GBP5: variants seen among roughly 807,000 people sequenced by gnomAD.
GBP5 encodes guanylate binding protein 5, also known as guanylate-binding protein 5.
A neutral mutation model predicts 58.2 loss-of-function variants in GBP5; 48 were observed. That is an observed-to-expected ratio of 0.83 (90% confidence interval 0.65 to 1.05). The LOEUF is 1.05. Among genes scored for constraint, GBP5 ranks in the 50% least tolerant of loss-of-function variants. The pLI is 0.00. For synonymous variants in GBP5, 248 were observed against 251.8 expected, an observed-to-expected ratio of 0.98 and a Z score of 0.14; for missense variants, 714 against 686.8, an observed-to-expected ratio of 1.04 and a Z score of -0.44.
Position 89,266,359 on chromosome 1 carries a change from CATG to C in GBP5, c.852_854del (p.Ile284del). On this transcript the variant is annotated inframe_deletion, in exon 7 of 12. Coordinates refer to ENST00000370459, the MANE Select transcript of GBP5 (RefSeq NM_052942.5). ...AATAATACTCACGAGATCCATTGAC[CATG>C]ATGCCACCTGGAAGAGTCTTGGTCA... The C allele has an allele frequency of 1.2e-6, 2 of 1,613,106 alleles. No individual in the cohort carries two copies. The highest frequency in any genetic ancestry group is 1.7e-6 in the Non-Finnish European group (2 of 1,179,180).
chr1:89,259,288 T>C lies in GBP5; in HGVS notation c.*1416A>G, dbSNP rs565684608. ...TGAACAGAAAAGAAAAGGCTTCTTC[T>C]TTAGCCCTTAAGCCTATGACACAAT... On this transcript the variant is annotated 3_prime_UTR_variant, in exon 12 of 12. Coordinates refer to ENST00000370459, the MANE Select transcript of GBP5 (RefSeq NM_052942.5). The C allele has an allele frequency of 6.6e-6, 1 of 152,228 alleles. No individual in the cohort carries two copies. The highest frequency in any genetic ancestry group is 1.5e-5 in the Non-Finnish European group (1 of 68,038). The allele number at this position is 152,228 out of a possible 1,614,324, so 9.4% of individuals were successfully genotyped here.
At chr1:89,262,833 G>A (rs774551885) in intron 9 of GBP5, 48 bp from the exon 10 acceptor site, 1 of 1,104,986 alleles carries the variant, frequency 9.0e-7, no homozygotes, top group Non-Finnish European at 1.3e-6. Context: ...TGGTGATTAG[G>A]AATGTTGTAA....
In GBP5 at chr1:89,263,802, A is replaced by T; in HGVS notation, c.1296T>A (p.Asn432Lys). The change falls in exon 9 of 12, where the codon AAT becomes AAA. Residue 432 changes from asparagine (N) to lysine (K), a missense_variant. By Grantham distance (94) the Asn-to-Lys change is moderately conservative (BLOSUM62 0). Coordinates refer to ENST00000370459, the MANE Select transcript of GBP5 (RefSeq NM_052942.5). ...QGIYSKPGGH[N>K]LFIQKTEELK... ...GTTCTTCTGTTTTCTGAATGAAGAG[A>T]TTATGGCCTCCTGGCTTAGAATAAA... 6.2e-7 allele frequency: 1 copy of T among 1,613,772 alleles called. No individual in the cohort carries two copies. The highest frequency in any genetic ancestry group is 1.3e-5 in the African/African-American group (1 of 74,912).
chr1:89,266,290 A>C lies in GBP5; in HGVS notation c.868+56T>G, dbSNP rs1438884128. The C allele has an allele frequency of 3.7e-5, 53 of 1,444,080 alleles. 1 individual carries two copies. The highest frequency in any genetic ancestry group is 5.0e-5 in the Non-Finnish European group (52 of 1,042,946). 89.5% of individuals were successfully genotyped at this position (1,444,080 alleles called of 1,614,324 possible). On this transcript the variant is annotated intron_variant, in intron 7 of 11. Transcript: ENST00000370459. ...GACAATGCAAGGATAATCTTATAAAAAGTGTCCCTTATAGTTTACATTAAA... is the reference window on the plus strand; with the variant it reads ...GACAATGCAAGGATAATCTTATAAACAGTGTCCCTTATAGTTTACATTAAA...
In GBP5 at chr1:89,256,847, A is replaced by C. The variant is rs755300425; in HGVS notation, c.*3857T>G. On this transcript the variant is annotated 3_prime_UTR_variant, in exon 12 of 12. Transcript: ENST00000370459. ...GCCATCCAGTAGTCCCAACCTACTA[A>C]GAAGTCTATCTTTACCCTGTATTAT... 1.7e-4 allele frequency among the ~76,000 whole-genome samples: 26 copies of C among 152,196 alleles called. No homozygotes were observed. Among genetic ancestry groups the C allele is most frequent in the Non-Finnish European group, 3.4e-4 (23 of 68,030 alleles).
In GBP5 at chr1:89,260,530, TG is replaced by T. The variant is rs1649968196; in HGVS notation, c.*173del. 6 of 554,050 alleles carry T rather than the reference TG, an allele frequency of 1.1e-5. No individual in the cohort carries two copies. The highest frequency in any genetic ancestry group is 1.6e-5 in the Non-Finnish European group (5 of 311,618). The allele number at this position is 554,050 out of a possible 1,614,324, so 34.3% of individuals were successfully genotyped here. A position where few individuals can be genotyped will look rare whatever the true frequency, so the allele number is the denominator to read the frequency against. On this transcript the variant is annotated 3_prime_UTR_variant, in exon 12 of 12. Coordinates refer to ENST00000370459, the MANE Select transcript of GBP5 (RefSeq NM_052942.5). ...ATAAACATTTAAACTATTGGACTAC[TG>T]GGATGTACATTTTACCAGATACCAG...
Position 89,262,712 on chromosome 1 carries a change from G to A in GBP5, c.1436C>T (p.Ala479Val). 1 of 1,607,552 alleles carries A rather than the reference G, an allele frequency of 6.2e-7. No individual in the cohort carries two copies. The highest frequency in any genetic ancestry group is 1.3e-5 in the African/African-American group (1 of 74,456). The stretch of plus-strand genomic sequence containing the variant: ...CTTCTTTTTTTCCGTCTCTGTGAGA[G>A]CCTGGTCAGTCTGTAATATTGCATG... ...VSHAILQTDQ[A>V]LTETEKKKKE... Residue 479 changes from alanine to valine, a missense_variant, in exon 10 of 12, where the codon GCT becomes GTT. Transcript: ENST00000370459.
At position 89,262,652 on chromosome 1, in the gene GBP5, C is replaced by A. The variant is rs1367223137; in HGVS notation, c.1465+31G>T. ...TTATTTAAAATTTATAGATTTCTTT[C>A]TATCTTGCATAATTTCCACTTTCTT... is the stretch of plus-strand genomic sequence containing the variant. On this transcript the variant is annotated intron_variant, in intron 10 of 11. Transcript: ENST00000370459. The A allele has an allele frequency of 5.6e-6, 8 of 1,440,812 alleles. No homozygotes were observed. The African/African-American group carries it at 7.0e-5, about 13-fold the overall frequency. 89.3% of individuals were successfully genotyped at this position (1,440,812 alleles called of 1,614,324 possible).
Position 89,263,772 on chromosome 1 carries a change from C to T in GBP5, c.1326G>A (p.Lys442=). 1 of 1,613,768 alleles carries T rather than the reference C, an allele frequency of 6.2e-7. No homozygotes were observed. The highest frequency in any genetic ancestry group is 1.1e-5 in the South Asian group (1 of 91,054). Residue 442 remains lysine, a synonymous_variant, in exon 9 of 12, where the codon AAG becomes AAA. Transcript: ENST00000370459. ...NLFIQKTEEL[K]AKYYREPRKG... is the part of the protein sequence containing the mutation. ...TCCGAGGCTCCCGATAGTACTTTGC[C>T]TTCAGTTCTTCTGTTTTCTGAATGA...
Position 89,266,497 on chromosome 1 carries a change from A to G in GBP5, c.717T>C (p.Pro239=). The change falls in exon 7 of 12, where the codon CCT becomes CCC. Residue 239 remains proline (P), a synonymous_variant. Transcript: ENST00000370459. ...PKKKCFIFDL[P]AHQKKLAQLE... ...GTTGGGCAAGCTTTTTTTGGTGAGC[A>G]GGTAAGTCAAAGATAAAGCATTTCT... is the stretch of plus-strand genomic sequence containing the variant. The G allele has an allele frequency of 6.2e-7, 1 of 1,614,180 alleles. No homozygotes were observed. The highest frequency in any genetic ancestry group is 8.5e-7 in the Non-Finnish European group (1 of 1,180,010).
At chr1:89,266,903 T>G in intron 6 of GBP5, 54 bp downstream of exon 6, 9 of 1,296,748 alleles carry the variant, frequency 6.9e-6, no homozygotes, top group Non-Finnish European at 9.6e-6. Flanking sequence ...ACAAAAGAGA[T>G]AATTTCTTAG....
In GBP5 at chr1:89,260,471, C is replaced by A. The variant is rs1461110405; in HGVS notation, c.*233G>T. ...ATAAATGAAGGCAGTGATACAATGTCCCTTATACAATTTATAATCTCTTAA... is the reference window on the plus strand; with the variant it reads ...ATAAATGAAGGCAGTGATACAATGTACCTTATACAATTTATAATCTCTTAA... On this transcript the variant is annotated 3_prime_UTR_variant, in exon 12 of 12. Transcript: ENST00000370459. 6 of 406,406 alleles carry A rather than the reference C, an allele frequency of 1.5e-5. No individual in the cohort carries two copies. The highest frequency in any genetic ancestry group is 2.7e-5 in the Non-Finnish European group (6 of 224,252). The allele number at this position is 406,406 out of a possible 1,614,324, so 25.2% of individuals were successfully genotyped here. A position where few individuals can be genotyped will look rare whatever the true frequency, so the allele number is the denominator to read the frequency against.
Position 89,267,103 on chromosome 1 carries a change from A to T in GBP5, c.479T>A (p.Leu160His). Residue 160 changes from leucine to histidine, a missense_variant, in exon 6 of 12, where the codon CTT (leucine) becomes CAT (histidine). Transcript: ENST00000370459. ...DLLKARNSPD[L>H]DRVEDPADSA... The stretch of plus-strand genomic sequence containing the variant: ...GTCAGCAGGATCTTCAACCCTGTCA[A>T]GGTCGGGTGAGTTTCTTGCCTTGAG... 3 of 1,609,494 alleles carry T rather than the reference A, an allele frequency of 1.9e-6. No homozygotes were observed. Among genetic ancestry groups the T allele is most frequent in the Non-Finnish European group, 2.5e-6 (3 of 1,178,932 alleles).
Position 89,256,415 on chromosome 1 carries a change from T to C in GBP5, c.*4289A>G, listed in dbSNP as rs1179656169. Among the ~76,000 whole-genome samples the C allele has an allele frequency of 6.6e-6, 1 of 152,244 alleles. No individual in the cohort carries two copies. The highest frequency in any genetic ancestry group is 2.4e-5 in the African/African-American group (1 of 41,466). The stretch of plus-strand genomic sequence containing the variant: ...GTCATATACACCTATAGAATTTTAG[T>C]AATGCTGAATGTATGTACCTGGGTT... On this transcript the variant is annotated 3_prime_UTR_variant, in exon 12 of 12. Transcript: ENST00000370459.
In GBP5 at chr1:89,266,540, T is replaced by A. The variant is rs1473908319; in HGVS notation, c.674A>T (p.Gln225Leu). ...GCATTTCTTTTTTGGAAAGAACTTC[T>A]GTATACACAGACGGGGCAAATTGAA... ...QNFNLPRLCI[Q>L]KFFPKKKCFI... Residue 225 changes from glutamine to leucine, a missense_variant, in exon 7 of 12, where the codon CAG (glutamine) becomes CTG (leucine). Coordinates refer to ENST00000370459, the MANE Select transcript of GBP5 (RefSeq NM_052942.5). 10 of 1,613,686 alleles carry A rather than the reference T, an allele frequency of 6.2e-6. No homozygotes were observed. The highest frequency in any genetic ancestry group is 8.5e-6 in the Non-Finnish European group (10 of 1,179,554).
intron 3 of GBP5, 81 bp downstream of exon 3, chr1:89,269,285 T>C (rs1650346363): frequency 7.3e-7 from 1 of 1,366,714 alleles, no homozygotes; most frequent in Non-Finnish European, 1.0e-6. Flanking sequence ...CATGTCTTAC[T>C]CTCTCCTTGC....
At position 89,257,058 on chromosome 1, in the gene GBP5, T is replaced by G. The variant is rs1570405867; in HGVS notation, c.*3646A>C. Among the ~76,000 whole-genome samples the G allele has an allele frequency of 6.6e-6, 1 of 152,246 alleles. No homozygotes were observed. Among genetic ancestry groups the G allele is most frequent in the Non-Finnish European group, 1.5e-5 (1 of 68,034 alleles). ...TATTTTAGTAATTCCTTCTAAATTT[T>G]AACACATTATTCAGTATTTCTATGT... On this transcript the variant is annotated 3_prime_UTR_variant, in exon 12 of 12. Transcript: ENST00000370459.
At position 89,260,543 on chromosome 1, in the gene GBP5, T is replaced by C; in HGVS notation, c.*161A>G. ...CTATTGGACTACTGGGATGTACATT[T>C]TACCAGATACCAGCATCATAATCTT... On this transcript the variant is annotated 3_prime_UTR_variant, in exon 12 of 12. Coordinates refer to ENST00000370459, the MANE Select transcript of GBP5 (RefSeq NM_052942.5). 1 of 569,324 alleles carries C rather than the reference T, an allele frequency of 1.8e-6. No homozygotes were observed. The highest frequency in any genetic ancestry group is 2.9e-5 in the East Asian group (1 of 34,340). 35.3% of individuals were successfully genotyped at this position (569,324 alleles called of 1,614,324 possible). A position where few individuals can be genotyped will look rare whatever the true frequency, so the allele number is the denominator to read the frequency against.
In GBP5 at chr1:89,272,630, A is replaced by C. The variant is rs1349239586; in HGVS notation, c.-306T>G. On this transcript the variant is annotated 5_prime_UTR_variant, in exon 1 of 12. Coordinates refer to ENST00000370459, the MANE Select transcript of GBP5 (RefSeq NM_052942.5). ...TCGTGGTCTGGCTGGCTCAGGAGTG[A>C]AGCTGCAGACCTTCGCGGTGAGTGT... The C allele has an allele frequency of 1.9e-5, 3 of 154,308 alleles. No homozygotes were observed. Among genetic ancestry groups the C allele is most frequent in the African/African-American group, 7.3e-5 (3 of 41,330 alleles). 9.6% of individuals were successfully genotyped at this position (154,308 alleles called of 1,614,324 possible).
Sources: allele counts gnomAD v4.1 joint callset (sites outside exome capture counted in the v4.1 genomes callset), GRCh38; gene constraint gnomAD v4.1.1; transcripts MANE v1.5; gene names NCBI Gene and HGNC (gene_info 2026-07-23, HGNC 2026-07-21).